SRGAP2B: variants seen among roughly 807,000 people sequenced by gnomAD.
SRGAP2B encodes SLIT-ROBO Rho GTPase-activating protein 2B.
SRGAP2B carries 9 observed loss-of-function variants against 22.2 expected under a neutral mutation model. The ratio of observed to expected loss-of-function variants is 0.41; its 90% CI spans 0.24 to 0.71. The LOEUF (loss-of-function observed/expected upper bound fraction) is 0.71, where lower values mean the gene tolerates loss of function less well. Ranked by LOEUF, SRGAP2B falls within the 30% of genes least tolerant of loss-of-function variation. SRGAP2B has a pLI of 0.35. For missense variants in SRGAP2B, 114 were observed against 235.8 expected, an observed-to-expected ratio of 0.48 and a Z score of 3.38; for synonymous variants, 36 against 87.4, an observed-to-expected ratio of 0.41 and a Z score of 3.28.
Position 144,910,523 on chromosome 1 carries a change from G to C in SRGAP2B, c.486+4169C>G, listed in dbSNP as rs1169619700. Among the ~76,000 whole-genome samples, 334 of 149,956 alleles carry C rather than the reference G, an allele frequency of 2.2e-3. 6 individuals are homozygous for C. The highest frequency in any genetic ancestry group is 9.4e-3 in the South Asian group (45 of 4,774). Reference sequence around the variant, plus strand: ...GCACACAGCCGATGCTCCAAGCCAAGGGGATATAAATTTAGGGGGAGTACA... The same window carrying C: ...GCACACAGCCGATGCTCCAAGCCAACGGGATATAAATTTAGGGGGAGTACA... On this transcript the variant is annotated intron_variant, in intron 5 of 9. Coordinates refer to ENST00000612199, the Ensembl canonical transcript of SRGAP2B.
At chr1:145,041,069 T>C (rs199490510) in intron 2 of SRGAP2B, among the ~76,000 whole-genome samples, 1,029 of 85,922 alleles carry the variant, frequency 0.012, no homozygotes, top group South Asian at 0.025. Context: ...TGCATGTATA[T>C]ATATAGTATA....
chr1:144,984,374 A>AAAAAAC (rs1553615577), intron 3 of SRGAP2B, among the ~76,000 whole-genome samples: 2 of 148,278 alleles, frequency 1.3e-5, no homozygotes, highest in Non-Finnish European at 3.0e-5. Context: ...ACAAAAAAAA[A>AAAAAAC]AAAACAAAAA....
At chr1:144,940,332 G>A (rs1346146092) in intron 4 of SRGAP2B, among the ~76,000 whole-genome samples, 1 of 122,372 alleles carries the variant, frequency 8.2e-6, no homozygotes, top group Non-Finnish European at 1.7e-5. Context: ...GAAGAAAAAG[G>A]GAAAGCAGCA....
chr1:144,984,166 C>A (rs879986624), intron 3 of SRGAP2B, among the ~76,000 whole-genome samples: 4 of 150,190 alleles, frequency 2.7e-5, no homozygotes, highest in African/African-American at 5.0e-5. Context: ...ACTAAAAATA[C>A]AAAATTAGCC....
intron 3 of SRGAP2B, among the ~76,000 whole-genome samples, chr1:144,976,680 A>G (rs1668931154): frequency 6.9e-6 from 1 of 144,076 alleles, no homozygotes; most frequent in Admixed American, 6.7e-5. Flanking sequence ...ATGGGGACAT[A>G]TCAATAAGAC....
At chr1:144,974,896 C>T (rs1160015504) in intron 3 of SRGAP2B, among the ~76,000 whole-genome samples, 1 of 149,968 alleles carries the variant, frequency 6.7e-6, no homozygotes, top group African/African-American at 2.5e-5. Context: ...GATGCTGATG[C>T]TGGATTCTTG....
At chr1:145,008,898 G>A (rs782692519) in intron 2 of SRGAP2B, among the ~76,000 whole-genome samples, 1 of 149,890 alleles carries the variant, frequency 6.7e-6, no homozygotes, top group African/African-American at 2.5e-5. Flanking sequence ...CCAGCTGGGC[G>A]CGGTGGCTCA....
intron 3 of SRGAP2B, among the ~76,000 whole-genome samples, chr1:144,994,705 T>C (rs1311849628): frequency 6.7e-6 from 1 of 148,562 alleles, no homozygotes; most frequent in Non-Finnish European, 1.5e-5. Flanking sequence ...ATAACCATCA[T>C]ATGGAGTTGT....
At chr1:144,939,460 C>A (rs1665866750) in intron 4 of SRGAP2B, among the ~76,000 whole-genome samples, 1 of 147,684 alleles carries the variant, frequency 6.8e-6, no homozygotes, top group South Asian at 2.1e-4. Context: ...CTGTACGACT[C>A]ATTACATTGC....
At chr1:144,926,593 A>G (rs1664744697) in intron 4 of SRGAP2B, among the ~76,000 whole-genome samples, 1 of 151,564 alleles carries the variant, frequency 6.6e-6, no homozygotes, top group Non-Finnish European at 1.5e-5. Flanking sequence ...GTGGTGGCTC[A>G]TGCCTGTAAC....
At chr1:145,005,281 G>T (rs1338358289) in intron 2 of SRGAP2B, among the ~76,000 whole-genome samples, 1 of 151,436 alleles carries the variant, frequency 6.6e-6, no homozygotes, top group Non-Finnish European at 1.5e-5. Flanking sequence ...AACAATTCCT[G>T]AAAAGACCAA....
rs587649165 is a variant in SRGAP2B, at chr1:144,996,208, T to C, written c.68-1008A>G. Among the ~76,000 whole-genome samples, 22 of 150,916 alleles carry C rather than the reference T, an allele frequency of 1.5e-4. No individual in the cohort carries two copies. The East Asian group carries it at 2.9e-3, about 20-fold the overall frequency. ...AAGCAGTATGACAAAGCCAGACTGA[T>C]TTTCAGCTCAGAGAAGGCTTGCAGT... On this transcript the variant is annotated intron_variant, in intron 2 of 9. Coordinates refer to ENST00000612199, the Ensembl canonical transcript of SRGAP2B.
At chr1:145,031,783 C>A (rs1292213216) in intron 2 of SRGAP2B, among the ~76,000 whole-genome samples, 2 of 141,406 alleles carry the variant, frequency 1.4e-5, no homozygotes, top group Non-Finnish European at 3.0e-5. Context: ...GGAGGCGGAG[C>A]TTGCAGTGAG....
chr1:145,038,273 C>T lies in SRGAP2B; in HGVS notation c.68-43073G>A, dbSNP rs1426198446. On this transcript the variant is annotated intron_variant, in intron 2 of 9. Coordinates refer to ENST00000612199, the Ensembl canonical transcript of SRGAP2B. ...ATGATTTACCTTTCATGTAAAAGAACGTGGAGGGGTAAGAACATATATTCA... is the reference window on the plus strand; with the variant it reads ...ATGATTTACCTTTCATGTAAAAGAATGTGGAGGGGTAAGAACATATATTCA... Among the ~76,000 whole-genome samples the T allele has an allele frequency of 5.1e-5, 5 of 98,372 alleles. 2 individuals are homozygous for T. Among genetic ancestry groups the T allele is most frequent in the Admixed American group, 4.5e-4 (4 of 8,808 alleles). The allele number at this position is 98,372 out of a possible 152,430, so 64.5% of individuals were successfully genotyped here.
chr1:145,031,440 G>A (rs6685500), intron 2 of SRGAP2B, among the ~76,000 whole-genome samples: 19 of 120,118 alleles, frequency 1.6e-4, no homozygotes, highest in Admixed American at 3.2e-4. Flanking sequence ...TCAATTTTCC[G>A]TTCATACTCG....
chr1:145,047,192 A>G (rs1553628795), intron 2 of SRGAP2B, among the ~76,000 whole-genome samples: 1 of 70,122 alleles, frequency 1.4e-5, no homozygotes, highest in African/African-American at 6.3e-5. Context: ...AAAAAAAAAA[A>G]AAAAAAAAAA....
chr1:144,992,336 A>G (rs1553617416), intron 3 of SRGAP2B, among the ~76,000 whole-genome samples: 1 of 151,162 alleles, frequency 6.6e-6, no homozygotes, highest in East Asian at 1.9e-4. Flanking sequence ...TCCGGACACA[A>G]GATGACTTGG....
intron 4 of SRGAP2B, among the ~76,000 whole-genome samples, chr1:144,925,686 TG>T (rs1414848773): frequency 1.6e-5 from 1 of 63,406 alleles, no homozygotes; most frequent in Non-Finnish European, 3.2e-5. Flanking sequence ...AAGAAAGAAG[TG>T]GGGGGGCAGA....
intron 2 of SRGAP2B, among the ~76,000 whole-genome samples, chr1:145,039,551 A>C (rs1649019498): frequency 7.8e-6 from 1 of 128,672 alleles, no homozygotes; most frequent in African/African-American, 2.9e-5. Flanking sequence ...TTCCAACCTT[A>C]GCAGAGAGTC....
Sources: gnomAD v4.1 joint callset for allele counts (sites outside exome capture counted in the v4.1 genomes callset) on GRCh38, gnomAD v4.1.1 for gene constraint, MANE v1.5 for transcripts, NCBI Gene and HGNC (gene_info 2026-07-23, HGNC 2026-07-21) for gene names.